The following LRWD1 variants were observed in gnomAD, a reference collection of about 807,000 sequenced individuals.
LRWD1 encodes the protein leucine-rich repeat and WD repeat-containing protein 1.
Under a neutral mutation model 75.6 loss-of-function variants are expected in LRWD1, and 76 were observed. The observed-to-expected ratio is 1.01, with a 90% CI of 0.84 to 1.22. The LOEUF is 1.22. Ranked by LOEUF, LRWD1 falls within the 50% of genes most tolerant of loss-of-function variation. The pLI is 0.00. For missense variants in LRWD1, 917 were observed against 862.0 expected (o/e 1.06, Z -0.80); for synonymous variants, 487 against 377.0 (o/e 1.29, Z -3.38).
chr7:102,467,057 CT>C (rs1159962281), intron 3 of LRWD1, among the ~76,000 whole-genome samples: 3 of 133,802 alleles, frequency 2.2e-5, no homozygotes, highest in African/African-American at 8.3e-5. Context: ...CTATAGGCAC[CT>C]GGGTTGTTGC....
chr7:102,469,936 T>C, intron 11 of LRWD1, 54 bp downstream of exon 11: 1 of 1,451,036 alleles, frequency 6.9e-7, no homozygotes, highest in Non-Finnish European at 9.1e-7. Flanking sequence ...AGGGTGGCTG[T>C]TGGCCCAGAT....
At chr7:102,468,227 G>A (rs1356259353) in intron 6 of LRWD1, 36 bp from the exon 7 acceptor site, 1 of 1,599,690 alleles carries the variant, frequency 6.3e-7, no homozygotes, top group Non-Finnish European at 8.5e-7. Flanking sequence ...AGATGAGTCG[G>A]GGCTGGGCAG....
Position 102,473,110 on chromosome 7 carries a change from TG to T in LRWD1, c.*66del. 2.5e-6 allele frequency: 3 copies of T among 1,192,792 alleles called. No individual in the cohort carries two copies. Among genetic ancestry groups the T allele is most frequent in the Non-Finnish European group, 3.4e-6 (3 of 871,904 alleles). The allele number at this position is 1,192,792 out of a possible 1,614,324, so 73.9% of individuals were successfully genotyped here. A position where few individuals can be genotyped will look rare whatever the true frequency, so the allele number is the denominator to read the frequency against. ...ACTAACTTATTCAGCTTTGGGCCGA[TG>T]GGGGTGGGGGGGGGTCTTTCAGTGA... On this transcript the variant is annotated 3_prime_UTR_variant, in exon 15 of 15. Transcript: ENST00000292616.
At chr7:102,466,863 C>T in intron 3 of LRWD1, among the ~76,000 whole-genome samples, 1 of 141,314 alleles carries the variant, frequency 7.1e-6, no homozygotes, top group East Asian at 2.3e-4. Context: ...TCACTGCAGC[C>T]TCCAACTCCT....
chr7:102,469,732 C>T lies in LRWD1; in HGVS notation c.1302-10C>T. On this transcript the variant is annotated splice_polypyrimidine_tract_variant and intron_variant, in intron 10 of 14. Transcript: ENST00000292616. ...GGTCTGATGCTCTGTTCCCCCTTGC[C>T]CACTGGCAGCCAGCTGCTCACACTG... The T allele has an allele frequency of 2.5e-6, 4 of 1,609,632 alleles. No homozygotes were observed. Among genetic ancestry groups the T allele is most frequent in the Non-Finnish European group, 3.4e-6 (4 of 1,176,900 alleles).
In LRWD1 at chr7:102,472,642, G is replaced by A. The variant is rs10250026; in HGVS notation, c.1690+33G>A. ...TGCCCCCCTGCCCGCCCCATCCCGCGGGCTTCCGGGAGCTCTGCCCCCACT... is the reference window on the plus strand; with the variant it reads ...TGCCCCCCTGCCCGCCCCATCCCGCAGGCTTCCGGGAGCTCTGCCCCCACT... On this transcript the variant is annotated intron_variant, in intron 13 of 14. Transcript: ENST00000292616. 2.6e-3 allele frequency: 4,247 copies of A among 1,610,216 alleles called. 79 individuals carry two copies. The African/African-American group carries it at 0.048, about 18-fold the overall frequency.
intron 1 of LRWD1, chr7:102,465,547 A>C: frequency 1.3e-5 from 2 of 159,926 alleles, no homozygotes; most frequent in Non-Finnish European, 1.2e-5. Flanking sequence ...TGGAGTCGGG[A>C]GTAGTGGCGC....
chr7:102,469,206 C>T, intron 9 of LRWD1, 144 bp downstream of exon 9: 1 of 749,552 alleles, frequency 1.3e-6, no homozygotes, highest in Non-Finnish European at 2.1e-6. Context: ...CTAGCTTTGG[C>T]AGGAAGCCAT....
rs368975149 is a variant in LRWD1 at position 102,468,212 on chromosome 7, G to A, written c.804+25G>A. 2.1e-5 allele frequency: 34 copies of A among 1,604,610 alleles called. No individual in the cohort carries two copies. The African/African-American group carries it at 3.7e-4, about 18-fold the overall frequency. ...GGTGAGCTGAGGTGGCAAGGAGCAGGTGGCAGATGAGTCGGGGCTGGGCAG... is the reference window on the plus strand; with the variant it reads ...GGTGAGCTGAGGTGGCAAGGAGCAGATGGCAGATGAGTCGGGGCTGGGCAG... On this transcript the variant is annotated intron_variant, in intron 6 of 14. Coordinates refer to ENST00000292616, the MANE Select transcript of LRWD1 (RefSeq NM_152892.3).
Position 102,468,202 on chromosome 7 carries a change from C to T in LRWD1, c.804+15C>T. 14 of 1,604,904 alleles carry T rather than the reference C, an allele frequency of 8.7e-6. No homozygotes were observed. Among genetic ancestry groups the T allele is most frequent in the Non-Finnish European group, 1.2e-5 (14 of 1,176,700 alleles). On this transcript the variant is annotated intron_variant, in intron 6 of 14. Transcript: ENST00000292616. ...ATGGCAGCCAGGTGAGCTGAGGTGG[C>T]AAGGAGCAGGTGGCAGATGAGTCGG... is the stretch of plus-strand genomic sequence containing the variant.
chr7:102,467,255 C>T (rs982796252), intron 3 of LRWD1, 84 bp from the exon 4 acceptor site: 26 of 1,471,224 alleles, frequency 1.8e-5, no homozygotes, highest in Middle Eastern at 2.3e-4. Flanking sequence ...CAGCAGGTGG[C>T]GGGATTGAGA....
Position 102,472,295 on chromosome 7 carries a change from A to G in LRWD1, c.1520A>G (p.Asn507Ser), listed in dbSNP as rs1005236323. ...AGAGTGGATGGGCTGGCATTTGTGA[A>G]TGAGGACATCGTGGGTGAGTGAGCT... ...GRRVDGLAFV[N>S]EDIVASKGSG... The change falls in exon 12 of 15, where the codon AAT (asparagine) becomes AGT (serine). Residue 507 changes from asparagine to serine, a missense_variant. Asn to Ser is a conservative substitution (Grantham distance 46). Transcript: ENST00000292616. The G allele has an allele frequency of 3.2e-5, 50 of 1,579,794 alleles. No individual in the cohort carries two copies. The highest frequency in any genetic ancestry group is 4.3e-5 in the Non-Finnish European group (50 of 1,161,074).
chr7:102,472,650 G>C (rs528584171), intron 13 of LRWD1, 41 bp downstream of exon 13: 5 of 1,611,120 alleles, frequency 3.1e-6, no homozygotes, highest in East Asian at 2.2e-5. Context: ...GCGGGCTTCC[G>C]GGAGCTCTGC....
Position 102,467,344 on chromosome 7 carries a change from A to G in LRWD1, c.438A>G (p.Thr146=). 1.2e-6 allele frequency: 2 copies of G among 1,606,274 alleles called. No homozygotes were observed. The highest frequency in any genetic ancestry group is 1.1e-5 in the South Asian group (1 of 89,756). ...TCTGGTCCCTCTTGCACCAGGTCAC[A>G]GCTCACTGGGAGAAGTTCATGGCCA... ...NLNRELTSRV[T]AHWEKFMATL... The change falls in exon 4 of 15, where the codon ACA becomes ACG. Residue 146 remains threonine (T), a synonymous_variant. Transcript: ENST00000292616.
chr7:102,472,440 CT>C lies in LRWD1; in HGVS notation c.1535-12del. On this transcript the variant is annotated splice_polypyrimidine_tract_variant and intron_variant, in intron 12 of 14. Coordinates refer to ENST00000292616, the MANE Select transcript of LRWD1 (RefSeq NM_152892.3). ...GAGGGGCCACCCTGCACAGCTCTCCCTTCTCCCCCACAGCCTCCAAGGGGAG... is the reference window on the plus strand; with the variant it reads ...GAGGGGCCACCCTGCACAGCTCTCCCTCTCCCCCACAGCCTCCAAGGGGAG... 1 of 1,537,830 alleles carries C rather than the reference CT, an allele frequency of 6.5e-7. No homozygotes were observed.
At chr7:102,471,162 C>A (rs1371221464) in intron 11 of LRWD1, 1 of 152,136 alleles carries the variant, frequency 6.6e-6, no homozygotes, top group African/African-American at 2.4e-5. Flanking sequence ...GAACTCCTGA[C>A]CTCAGGTGAT....
chr7:102,470,099 A>G, intron 11 of LRWD1: 2 of 572,226 alleles, frequency 3.5e-6, no homozygotes, highest in Non-Finnish European at 5.8e-6. Flanking sequence ...GGACTGGGCC[A>G]TGATGACCTC....
intron 6 of LRWD1, 32 bp downstream of exon 6, chr7:102,468,219 A>G (rs557704072): frequency 6.2e-7 from 1 of 1,603,178 alleles, no homozygotes; most frequent in Non-Finnish European, 8.5e-7. Context: ...CAGGTGGCAG[A>G]TGAGTCGGGG....
At position 102,468,162 on chromosome 7, in the gene LRWD1, C is replaced by T. The variant is rs1586739734; in HGVS notation, c.779C>T (p.Pro260Leu). The T allele has an allele frequency of 6.2e-7, 1 of 1,606,288 alleles. No homozygotes were observed. Among genetic ancestry groups the T allele is most frequent in the Non-Finnish European group, 8.5e-7 (1 of 1,177,574 alleles). Reference sequence around the variant, plus strand: ...CCGTCGGCCCAGGTGGAGGGCAGCCCTGTGGCAGGCTCCGATGGCAGCCAG... The same window carrying T: ...CCGTCGGCCCAGGTGGAGGGCAGCCTTGTGGCAGGCTCCGATGGCAGCCAG... ...ASPSAQVEGS[P>L]VAGSDGSQPA... The change falls in exon 6 of 15, where the codon CCT (proline) becomes CTT (leucine). Residue 260 changes from proline (P) to leucine (L), a missense_variant. Physicochemically the swap from Pro to Leu is moderately conservative, Grantham distance 98 (BLOSUM62 -3). Coordinates refer to ENST00000292616, the MANE Select transcript of LRWD1 (RefSeq NM_152892.3).
Sources: allele counts gnomAD v4.1 joint callset (sites outside exome capture counted in the v4.1 genomes callset), GRCh38; gene constraint gnomAD v4.1.1; transcripts MANE v1.5; gene names NCBI Gene and HGNC (gene_info 2026-07-23, HGNC 2026-07-21).